UTY: variants seen among roughly 807,000 people sequenced by gnomAD.
UTY encodes the protein ubiquitously transcribed tetratricopeptide repeat containing, Y-linked.
Under a neutral mutation model 32.5 loss-of-function variants are expected in UTY, and 12 were observed. That is an observed-to-expected ratio of 0.37 (90% CI 0.24 to 0.60). The LOEUF (loss-of-function observed/expected upper bound fraction) is 0.60, where lower values mean the gene tolerates loss of function less well. UTY is among the 20% of genes least tolerant of loss of function. UTY has a pLI of 0.69. For missense variants in UTY, 303 were observed against 299.2 expected (o/e 1.01, Z -0.09); for synonymous variants, 131 against 103.4 (o/e 1.27, Z -1.62).
At chrY:13,477,984 T>C (rs2079257331) in intron 2 of UTY, among the ~76,000 whole-genome samples, 1 of 33,369 alleles carries the variant, frequency 3.0e-5, no homozygotes, top group African/African-American at 1.2e-4. Flanking sequence ...TACATATATA[T>C]ATTACATTTT....
At chrY:13,276,646 C>T (rs2056709532) in intron 27 of UTY, among the ~76,000 whole-genome samples, 1 of 32,741 alleles carries the variant, frequency 3.1e-5, no homozygotes, top group Non-Finnish European at 7.5e-5. Context: ...GGCGTCAACC[C>T]GGAAGGCAGA....
intron 21 of UTY, among the ~76,000 whole-genome samples, chrY:13,307,888 G>A: frequency 3.0e-5 from 1 of 32,927 alleles, no homozygotes; most frequent in Non-Finnish European, 7.4e-5. Context: ...CTAATAGTAT[G>A]GTTAGAATCA....
At chrY:13,283,915 G>GT in intron 27 of UTY, among the ~76,000 whole-genome samples, 1 of 33,443 alleles carries the variant, frequency 3.0e-5, no homozygotes, top group Non-Finnish European at 7.4e-5. Flanking sequence ...ACGTATCATG[G>GT]TAACTTCTAA....
chrY:13,242,077 A>G, intron 28 of UTY, among the ~76,000 whole-genome samples: 2 of 33,168 alleles, frequency 6.0e-5, no homozygotes, highest in Non-Finnish European at 1.5e-4. Context: ...AACAAAAACA[A>G]AAACAAAAAC....
At position 13,299,070 on chromosome Y, in the gene UTY, T is replaced by C; in HGVS notation, c.3755A>G (p.Tyr1252Cys). 1 of 396,264 alleles carries C rather than the reference T, an allele frequency of 2.5e-6. No homozygotes were observed. Among genetic ancestry groups the C allele is most frequent in the Non-Finnish European group, 3.5e-6 (1 of 282,159 alleles). The change falls in exon 26 of 30, where the codon TAT becomes TGT. Residue 1252 changes from tyrosine to cysteine, a missense_variant. Transcript: ENST00000545955. ...EDLYEANVPV[Y>C]RFIQRPGDLV... ...ATCTCCAGGTCGCTGAATAAATCTA[T>C]ACACAGGGACATTTGCTTCATAAAG...
chrY:13,433,027 A>G, intron 4 of UTY, among the ~76,000 whole-genome samples: 1 of 34,065 alleles, frequency 2.9e-5, no homozygotes, highest in Non-Finnish European at 7.3e-5. Flanking sequence ...ATATCAACCT[A>G]AAGACACAGG....
chrY:13,339,835 G>A, intron 17 of UTY, among the ~76,000 whole-genome samples: 11 of 33,034 alleles, frequency 3.3e-4, no homozygotes, highest in African/African-American at 1.3e-3. Flanking sequence ...ATTAAGGTAC[G>A]CTCCTGGCTA....
At chrY:13,395,009 A>G in intron 7 of UTY, among the ~76,000 whole-genome samples, 2 of 33,381 alleles carry the variant, frequency 6.0e-5, no homozygotes, top group African/African-American at 2.4e-4. Context: ...CCTTTCCATA[A>G]GAGAAAAATT....
intron 6 of UTY, among the ~76,000 whole-genome samples, chrY:13,405,656 CAT>C (rs2069796674): frequency 3.6e-4 from 12 of 32,884 alleles, no homozygotes; most frequent in South Asian, 2.0e-3. Context: ...TGTACGTACA[CAT>C]GTGTCAGCAG....
intron 21 of UTY, among the ~76,000 whole-genome samples, chrY:13,318,458 AAAAC>A (rs1412057328): frequency 6.2e-4 from 20 of 32,041 alleles, no homozygotes; most frequent in Non-Finnish European, 9.9e-4. Flanking sequence ...AGGATTTATT[AAAAC>A]AAACAAACAA....
chrY:13,480,099 G>A (rs2079566413), upstream of UTY: 3 of 54,549 alleles, frequency 5.5e-5, no homozygotes, highest in African/African-American at 3.4e-4. Context: ...CTAGGCTGCT[G>A]GGACCCCGCC....
chrY:13,345,105 G>C, intron 17 of UTY, among the ~76,000 whole-genome samples: 1 of 33,177 alleles, frequency 3.0e-5, no homozygotes, highest in Non-Finnish European at 7.4e-5. Context: ...ACCCAACCAC[G>C]TTAGGGCCTT....
At chrY:13,441,620 T>C in intron 4 of UTY, among the ~76,000 whole-genome samples, 5 of 33,544 alleles carry the variant, frequency 1.5e-4, no homozygotes, top group Admixed American at 1.1e-3. Context: ...AAAAACTCCA[T>C]GGCAAAGAGA....
intron 21 of UTY, among the ~76,000 whole-genome samples, chrY:13,312,200 A>G (rs2059153126): frequency 6.4e-5 from 2 of 31,336 alleles, no homozygotes; most frequent in East Asian, 1.7e-3. Context: ...AGACCATCCT[A>G]GCTAACACAG....
At chrY:13,276,678 C>T (rs2056711234) in intron 27 of UTY, among the ~76,000 whole-genome samples, 2 of 32,522 alleles carry the variant, frequency 6.1e-5, no homozygotes, top group Admixed American at 5.5e-4. Flanking sequence ...GCTGAGATCC[C>T]GTCACTGCAC....
At chrY:13,427,416 T>A in intron 4 of UTY, among the ~76,000 whole-genome samples, 1 of 33,626 alleles carries the variant, frequency 3.0e-5, no homozygotes, top group Non-Finnish European at 7.4e-5. Flanking sequence ...CTGAACAGAT[T>A]TTTTAAAACA....
intron 27 of UTY, among the ~76,000 whole-genome samples, chrY:13,277,240 G>A (rs1034356384): frequency 3.0e-5 from 1 of 33,585 alleles, no homozygotes; most frequent in Non-Finnish European, 7.4e-5. Flanking sequence ...TGTTATCTGC[G>A]GGCAGTAAAA....
At chrY:13,445,735 T>C (rs2075687415) in intron 4 of UTY, among the ~76,000 whole-genome samples, 1 of 32,636 alleles carries the variant, frequency 3.1e-5, no homozygotes, top group Admixed American at 2.8e-4. Flanking sequence ...CAGTACTGTG[T>C]TATCAGTGGT....
chrY:13,341,569 C>T, intron 17 of UTY, among the ~76,000 whole-genome samples: 1 of 32,782 alleles, frequency 3.1e-5, no homozygotes, highest in Non-Finnish European at 7.5e-5. Context: ...CCCCTGCTGA[C>T]GGTCAAGGGG....
Sources: gnomAD v4.1 joint callset for allele counts (sites outside exome capture counted in the v4.1 genomes callset) on GRCh38, gnomAD v4.1.1 for gene constraint, MANE v1.5 for transcripts, NCBI Gene and HGNC (gene_info 2026-07-23, HGNC 2026-07-21) for gene names.